Variants in SAG observed in about 807,000 individuals in gnomAD.
SAG encodes S-arrestin.
Under a neutral mutation model 55.0 loss-of-function variants are expected in SAG, and 45 were observed. The observed-to-expected ratio is 0.82, with a 90% CI of 0.64 to 1.05. SAG has a LOEUF of 1.05. Among genes scored for constraint, SAG ranks in the 50% least tolerant of loss-of-function variants. SAG has a pLI of 0.00. For missense variants in SAG, 455 were observed against 512.1 expected, an observed-to-expected ratio of 0.89 and a Z score of 1.08; for synonymous variants, 189 against 197.4, an observed-to-expected ratio of 0.96 and a Z score of 0.36.
chr2:233,317,834 T>C (rs564342397), intron 3 of SAG, among the ~76,000 whole-genome samples: 9 of 152,342 alleles, frequency 5.9e-5, no homozygotes, highest in African/African-American at 2.2e-4. Context: ...TGTGTATAGA[T>C]GTATGTATGT....
chr2:233,324,932 T>C (rs1255346034), intron 6 of SAG, among the ~76,000 whole-genome samples: 3 of 151,946 alleles, frequency 2.0e-5, no homozygotes, highest in Non-Finnish European at 4.4e-5. Flanking sequence ...TGGAATGGAA[T>C]AGAATAGAAC....
intron 5 of SAG, among the ~76,000 whole-genome samples, chr2:233,322,424 T>C (rs1050308635): frequency 2.6e-5 from 4 of 152,182 alleles, no homozygotes; most frequent in African/African-American, 7.2e-5. Flanking sequence ...TGAAAAGGGC[T>C]AGAATTAATG....
chr2:233,312,813 G>A (rs1338336012), intron 2 of SAG, among the ~76,000 whole-genome samples: 1 of 152,180 alleles, frequency 6.6e-6, no homozygotes, highest in African/African-American at 2.4e-5. Flanking sequence ...CTGAAAGCAA[G>A]AGCCTTCCCT....
intron 6 of SAG, among the ~76,000 whole-genome samples, chr2:233,324,180 C>A (rs1326976555): frequency 6.6e-6 from 1 of 151,688 alleles, no homozygotes; most frequent in Non-Finnish European, 1.5e-5. Context: ...GCGGATCAAC[C>A]CAGGAGTTCA....
intron 5 of SAG, 90 bp downstream of exon 5, chr2:233,320,913 C>A: frequency 9.0e-7 from 1 of 1,109,576 alleles, no homozygotes; most frequent in East Asian, 2.7e-5. Flanking sequence ...AGAGGAAGAA[C>A]TTCACATCTG....
At position 233,316,279 on chromosome 2, in the gene SAG, T is replaced by C. The variant is rs867246669; in HGVS notation, c.136+144T>C. On this transcript the variant is annotated intron_variant, in intron 3 of 15. Transcript: ENST00000409110. ...ACATCAGTGAGGCGCCACTGGCTGA[T>C]TGGAAACAATTTTATTTATTTTTAT... 1.0e-4 allele frequency: 49 copies of C among 468,884 alleles called. 1 individual carries two copies. The Middle Eastern group carries it at 8.4e-3, about 80-fold the overall frequency. 29.0% of individuals were successfully genotyped at this position (468,884 alleles called of 1,614,324 possible). A position where few individuals can be genotyped will look rare whatever the true frequency, so the allele number is the denominator to read the frequency against.
At chr2:233,328,840 G>A in intron 8 of SAG, 1 of 469,556 alleles carries the variant, frequency 2.1e-6, no homozygotes, top group Non-Finnish European at 3.7e-6. Flanking sequence ...CCACCCACTG[G>A]CTGTCCCGAG....
intron 3 of SAG, among the ~76,000 whole-genome samples, chr2:233,318,344 G>GT (rs1286173003): frequency 2.7e-5 from 4 of 146,056 alleles, no homozygotes; most frequent in South Asian, 2.2e-4. Flanking sequence ...TTTTTTTTTT[G>GT]TTTTTTTATA....
At chr2:233,317,269 A>G (rs1044351680) in intron 3 of SAG, among the ~76,000 whole-genome samples, 1 of 152,258 alleles carries the variant, frequency 6.6e-6, no homozygotes. Flanking sequence ...AAACCTATAC[A>G]TGATTGTTCA....
rs200104687 is a variant in SAG at position 233,308,296 on chromosome 2, C to CA, written c.-29+281dup. Among the ~76,000 whole-genome samples the CA allele has an allele frequency of 1.9e-3, 290 of 151,788 alleles. 4 individuals carry two copies. In the East Asian group the frequency reaches 0.028, roughly 15 times the overall value. On this transcript the variant is annotated intron_variant, in intron 1 of 15. Coordinates refer to ENST00000409110, the MANE Select transcript of SAG (RefSeq NM_000541.5). ...GCAATACAGTCAGACCCAGTCTCTA[C>CA]AAAAAAACAAAAATAAAAATAAATT...
intron 11 of SAG, among the ~76,000 whole-genome samples, chr2:233,336,587 AT>A (rs140979242): frequency 0.019 from 2,821 of 152,172 alleles, 92 homozygotes; most frequent in African/African-American, 0.064. Context: ...AGGAAGGTAT[AT>A]TTATATGCAT....
intron 2 of SAG, among the ~76,000 whole-genome samples, chr2:233,313,426 G>A (rs1389352038): frequency 5.3e-5 from 8 of 152,136 alleles, no homozygotes; most frequent in Admixed American, 5.2e-4. Flanking sequence ...GAGAAGGAGT[G>A]AGCAGCCAGT....
intron 5 of SAG, among the ~76,000 whole-genome samples, chr2:233,321,212 T>G (rs1438537559): frequency 1.3e-5 from 2 of 152,168 alleles, no homozygotes; most frequent in Non-Finnish European, 2.9e-5. Flanking sequence ...TGTCATCTTT[T>G]TCCTTGCCCA....
intron 14 of SAG, 83 bp downstream of exon 14, chr2:233,342,409 C>T (rs113323203): frequency 4.2e-5 from 48 of 1,156,346 alleles, no homozygotes; most frequent in African/African-American, 3.8e-4. Context: ...CTTTCTTGAC[C>T]GCATCTCAGA....
chr2:233,318,648 C>A, intron 3 of SAG, 103 bp from the exon 4 acceptor site: 2 of 980,746 alleles, frequency 2.0e-6, no homozygotes, highest in Non-Finnish European at 3.2e-6. Flanking sequence ...TTATAATGAA[C>A]ATGGATTACA....
intron 12 of SAG, among the ~76,000 whole-genome samples, chr2:233,339,375 TGAGCCTTG>T (rs1366070390): frequency 6.6e-6 from 1 of 152,246 alleles, no homozygotes; most frequent in Non-Finnish European, 1.5e-5. Flanking sequence ...TTTACCTGGA[TGAGCCTTG>T]GGTAGTTCTG....
intron 11 of SAG, among the ~76,000 whole-genome samples, chr2:233,338,350 T>G (rs1701001466): frequency 6.6e-6 from 1 of 152,086 alleles, no homozygotes; most frequent in Non-Finnish European, 1.5e-5. Context: ...GGACTTGCAG[T>G]TTTGGCAAGT....
chr2:233,328,401 C>T, intron 7 of SAG, 77 bp from the exon 8 acceptor site: 1 of 1,514,152 alleles, frequency 6.6e-7, no homozygotes, highest in Non-Finnish European at 9.0e-7. Context: ...CTCCATGTGA[C>T]AGTGGGGAGA....
intron 11 of SAG, among the ~76,000 whole-genome samples, chr2:233,335,599 G>A (rs542069611): frequency 2.6e-4 from 35 of 135,022 alleles, no homozygotes; most frequent in Middle Eastern, 3.9e-3. Context: ...TCATTCATTC[G>A]TCCATTTCCA....
Sources: allele counts gnomAD v4.1 joint callset (sites outside exome capture counted in the v4.1 genomes callset), GRCh38; gene constraint gnomAD v4.1.1; transcripts MANE v1.5; gene names NCBI Gene and HGNC (gene_info 2026-07-23, HGNC 2026-07-21).